Variants in MAD1L1 observed in about 807,000 individuals in gnomAD.
MAD1L1 encodes mitotic spindle assembly checkpoint protein MAD1.
In MAD1L1, 95 loss-of-function variants were observed where a neutral mutation model predicts 96.9. The observed-to-expected ratio is 0.98, with a 90% CI of 0.83 to 1.16. MAD1L1 has a LOEUF of 1.16. Ranked by LOEUF, MAD1L1 falls within the 50% of genes most tolerant of loss-of-function variation. The pLI is 0.00. For synonymous variants in MAD1L1, 473 were observed against 396.6 expected (o/e 1.19, Z -2.29); for missense variants, 1,007 against 954.4 (o/e 1.06, Z -0.73).
At chr7:1,832,247 A>G (rs534119240) in intron 18 of MAD1L1, among the ~76,000 whole-genome samples, 172 of 152,238 alleles carry the variant, frequency 1.1e-3, no homozygotes, top group African/African-American at 3.7e-3. Context: ...AGGTCAGTGG[A>G]GGAAGATGGA....
intron 11 of MAD1L1, among the ~76,000 whole-genome samples, chr7:2,105,496 C>G (rs1787042106): frequency 6.6e-6 from 1 of 152,118 alleles, no homozygotes; most frequent in South Asian, 2.1e-4. Context: ...CGTGGATCAT[C>G]ACCCGAGGCA....
In MAD1L1 at chr7:2,168,615, C is replaced by T. The variant is rs1790552326; in HGVS notation, c.987-19377G>A. Among the ~76,000 whole-genome samples the T allele has an allele frequency of 1.3e-5, 2 of 152,250 alleles. 1 individual carries two copies. The highest frequency in any genetic ancestry group is 4.1e-4 in the South Asian group (2 of 4,836). ...AGACCTCATCCTGATCTGTGATTCT[C>T]CTTCAGCAAACAAAAATCGCCTAAG... On this transcript the variant is annotated intron_variant, in intron 10 of 18. Coordinates refer to ENST00000265854, the MANE Select transcript of MAD1L1 (RefSeq NM_001013836.2).
chr7:1,909,342 C>A (rs1380294931), intron 17 of MAD1L1, among the ~76,000 whole-genome samples: 1 of 152,210 alleles, frequency 6.6e-6, no homozygotes, highest in African/African-American at 2.4e-5. Flanking sequence ...CCGAGCCAGG[C>A]TTCCCGGGAC....
chr7:2,227,871 A>C (rs1562392119), intron 3 of MAD1L1, among the ~76,000 whole-genome samples: 2 of 152,086 alleles, frequency 1.3e-5, no homozygotes, highest in African/African-American at 4.8e-5. Context: ...TCCGTGTGCC[A>C]CCTCTGCCTG....
Position 2,103,095 on chromosome 7 carries a change from G to A in MAD1L1, c.1074-33757C>T, listed in dbSNP as rs1292795041. On this transcript the variant is annotated intron_variant, in intron 11 of 18. Coordinates refer to ENST00000265854, the MANE Select transcript of MAD1L1 (RefSeq NM_001013836.2). This position sits in a 1 kb window ranked among gnomAD's most constrained non-coding sequence, Gnocchi z 4.3. The stretch of plus-strand genomic sequence containing the variant: ...CGCTGCCTGCCTGCTGGAGACGCGC[G>A]TCCTCTCCCACCTCAGGGCCCCTGC... Among the ~76,000 whole-genome samples, 1 of 152,126 alleles carries A rather than the reference G, an allele frequency of 6.6e-6. No individual in the cohort carries two copies. The highest frequency in any genetic ancestry group is 1.5e-5 in the Non-Finnish European group (1 of 68,030).
intron 14 of MAD1L1, among the ~76,000 whole-genome samples, chr7:1,999,530 A>T (rs1022207237): frequency 6.6e-6 from 1 of 152,148 alleles, no homozygotes; most frequent in African/African-American, 2.4e-5. Context: ...CTCCAAGTTT[A>T]CACCACAAAC....
At chr7:2,011,245 G>T (rs1007688899) in intron 13 of MAD1L1, among the ~76,000 whole-genome samples, 1 of 152,140 alleles carries the variant, frequency 6.6e-6, no homozygotes, top group Admixed American at 6.5e-5. Context: ...CTCCACGGGG[G>T]CATCCCTGGC....
intron 14 of MAD1L1, among the ~76,000 whole-genome samples, chr7:1,988,402 G>A (rs932859129): frequency 5.3e-5 from 8 of 152,144 alleles, no homozygotes; most frequent in Non-Finnish European, 8.8e-5. Context: ...TTTGTGGAGC[G>A]CCCAGCCTAC....
At position 2,215,986 on chromosome 7, in the gene MAD1L1, T is replaced by C; in HGVS notation, c.823A>G (p.Thr275Ala). ...ESAHLREMRE[T>A]NGLLQEELEG... is the part of the protein sequence containing the mutation. ...AGCTCTTCCTGGAGCAGCCCGTTGG[T>C]CTCTCTCATCTCCCTGGCAGTGCCA... The change falls in exon 9 of 19, where the codon ACC (threonine) becomes GCC (alanine). Residue 275 changes from threonine (T) to alanine (A), a missense_variant. Thr to Ala is a moderately conservative substitution (Grantham distance 58, BLOSUM62 0). Coordinates refer to ENST00000265854, the MANE Select transcript of MAD1L1 (RefSeq NM_001013836.2). 1.9e-6 allele frequency: 3 copies of C among 1,614,068 alleles called. No homozygotes were observed. The highest frequency in any genetic ancestry group is 2.5e-6 in the Non-Finnish European group (3 of 1,180,018).
intron 14 of MAD1L1, among the ~76,000 whole-genome samples, chr7:1,986,984 C>T (rs1781179743): frequency 6.6e-6 from 1 of 152,094 alleles, no homozygotes; most frequent in Non-Finnish European, 1.5e-5. Context: ...CCCCTACATC[C>T]CCCTCCAGGC....
At chr7:2,095,367 A>G (rs914555794) in intron 11 of MAD1L1, among the ~76,000 whole-genome samples, 2 of 152,056 alleles carry the variant, frequency 1.3e-5, no homozygotes, top group Non-Finnish European at 2.9e-5. Context: ...TTAAAATAAA[A>G]TGTTTTTGGA....
Position 1,957,732 on chromosome 7 carries a change from C to T in MAD1L1, c.1506-13G>A, listed in dbSNP as rs202002727. 8.7e-6 allele frequency: 14 copies of T among 1,613,760 alleles called. No individual in the cohort carries two copies. Among genetic ancestry groups the T allele is most frequent in the Non-Finnish European group, 1.2e-5 (14 of 1,179,724 alleles). On this transcript the variant is annotated splice_polypyrimidine_tract_variant and intron_variant, in intron 15 of 18. Coordinates refer to ENST00000265854, the MANE Select transcript of MAD1L1 (RefSeq NM_001013836.2). ...CTCGACCTTCAACCTGCAAGGACAG[C>T]AAGACGGTGACCAGGTGTCCGAGGC... is the stretch of plus-strand genomic sequence containing the variant.
intron 10 of MAD1L1, among the ~76,000 whole-genome samples, chr7:2,211,885 A>G (rs956887490): frequency 6.6e-6 from 1 of 152,242 alleles, no homozygotes; most frequent in Non-Finnish European, 1.5e-5. Context: ...CCTAGTTTCC[A>G]AGAACAGCAG....
At chr7:1,945,278 C>T (rs1779177261) in intron 16 of MAD1L1, among the ~76,000 whole-genome samples, 1 of 152,252 alleles carries the variant, frequency 6.6e-6, no homozygotes, top group Non-Finnish European at 1.5e-5. Context: ...ACAGGGACTC[C>T]TGTCCACCAC....
At chr7:2,152,055 G>A (rs1303843131) in intron 10 of MAD1L1, among the ~76,000 whole-genome samples, 2 of 152,222 alleles carry the variant, frequency 1.3e-5, no homozygotes, top group Non-Finnish European at 2.9e-5. Context: ...CTTGCCTGAG[G>A]TGGGTGTGAC....
At chr7:2,126,276 C>T (rs1433469502) in intron 11 of MAD1L1, among the ~76,000 whole-genome samples, 2 of 152,202 alleles carry the variant, frequency 1.3e-5, no homozygotes, top group Admixed American at 6.5e-5. Flanking sequence ...GTGCAACCCT[C>T]GGAGGGCCCC....
At chr7:1,960,010 T>C (rs1336753002) in intron 15 of MAD1L1, among the ~76,000 whole-genome samples, 2 of 151,990 alleles carry the variant, frequency 1.3e-5, no homozygotes, top group Non-Finnish European at 2.9e-5. Flanking sequence ...ATAGAATAAA[T>C]AAAATGTATG....
chr7:2,094,260 G>T (rs1336491399), intron 11 of MAD1L1, among the ~76,000 whole-genome samples: 1 of 152,316 alleles, frequency 6.6e-6, no homozygotes, highest in East Asian at 1.9e-4. Flanking sequence ...CCAGTGGCCA[G>T]CACTCCCTCT....
At chr7:2,225,883 G>A (rs1399877986) in intron 3 of MAD1L1, among the ~76,000 whole-genome samples, 4 of 152,204 alleles carry the variant, frequency 2.6e-5, no homozygotes, top group Admixed American at 6.5e-5. Context: ...CTCTGACCAG[G>A]GTCTCCCAGA....
Sources: allele counts gnomAD v4.1 joint callset (sites outside exome capture counted in the v4.1 genomes callset), GRCh38; gene constraint gnomAD v4.1.1; non-coding constraint Gnocchi (gnomAD v3.1); transcripts MANE v1.5; gene names NCBI Gene and HGNC (gene_info 2026-07-23, HGNC 2026-07-21).